The following IPO11 variants were observed in gnomAD, a reference collection of about 807,000 sequenced individuals.
IPO11 encodes the protein importin 11, also known as importin-11.
A neutral mutation model predicts 143.2 loss-of-function variants in IPO11; 66 were observed. That is an observed-to-expected ratio of 0.46 (90% confidence interval 0.38 to 0.57). IPO11 has a LOEUF of 0.57. Ranked by LOEUF, IPO11 falls within the 20% of genes least tolerant of loss-of-function variation. The pLI is 0.00. For synonymous variants in IPO11, 385 were observed against 377.8 expected (o/e 1.02, Z -0.22); for missense variants, 1,026 against 1,141.0 (o/e 0.90, Z 1.45).
chr5:62,520,970 A>G (rs921955481), intron 20 of IPO11, among the ~76,000 whole-genome samples: 10 of 152,246 alleles, frequency 6.6e-5, no homozygotes, highest in African/African-American at 2.2e-4. Context: ...AGTCCCACCA[A>G]CAGTGTGAAA....
At chr5:62,449,527 TC>T (rs1390332072) in intron 3 of IPO11, among the ~76,000 whole-genome samples, 2 of 151,344 alleles carry the variant, frequency 1.3e-5, no homozygotes, top group Non-Finnish European at 2.9e-5. Context: ...TTTTTTTTTT[TC>T]GTAGGCAACT....
chr5:62,437,495 A>G, intron 2 of IPO11, 78 bp downstream of exon 2: 1 of 1,285,438 alleles, frequency 7.8e-7, no homozygotes, highest in Non-Finnish European at 1.1e-6. Flanking sequence ...CCCTAGTTTT[A>G]TTGGTAGTTT....
chr5:62,447,757 T>A (rs890456760), intron 3 of IPO11, among the ~76,000 whole-genome samples: 5 of 148,408 alleles, frequency 3.4e-5, no homozygotes, highest in Non-Finnish European at 7.5e-5. Context: ...GGCTAATTTT[T>A]GTATTTTTTG....
At chr5:62,536,922 C>G in intron 23 of IPO11, 141 bp downstream of exon 23, 1 of 1,010,358 alleles carries the variant, frequency 9.9e-7, no homozygotes, top group Non-Finnish European at 1.3e-6. Context: ...GAGCATTTCC[C>G]ATTGCAGGGC....
intron 29 of IPO11, among the ~76,000 whole-genome samples, chr5:62,621,970 A>G (rs1315730183): frequency 2.0e-5 from 3 of 152,084 alleles, no homozygotes. Context: ...GAGAAAGGAA[A>G]CCTGAAAGGT....
Position 62,476,781 on chromosome 5 carries a change from A to T in IPO11, c.828+28A>T, listed in dbSNP as rs753536124. 33 of 1,483,852 alleles carry T rather than the reference A, an allele frequency of 2.2e-5. No homozygotes were observed. The Admixed American group carries it at 3.4e-4, about 15-fold the overall frequency. 91.9% of individuals were successfully genotyped at this position (1,483,852 alleles called of 1,614,324 possible). A position where few individuals can be genotyped will look rare whatever the true frequency, so the allele number is the denominator to read the frequency against. On this transcript the variant is annotated intron_variant, in intron 9 of 29. Coordinates refer to ENST00000325324, the MANE Select transcript of IPO11 (RefSeq NM_016338.5). ...AAGTTTTTTAAAAACTTGTTTTCTC[A>T]AATATAATACACATATTCAGATTTA...
At chr5:62,496,952 G>C (rs968042615) in intron 16 of IPO11, among the ~76,000 whole-genome samples, 1 of 152,166 alleles carries the variant, frequency 6.6e-6, no homozygotes, top group African/African-American at 2.4e-5. Flanking sequence ...TATAAAATTT[G>C]TGAAGTCCTA....
chr5:62,578,726 CTG>C (rs1436958654), intron 27 of IPO11: 5 of 468,746 alleles, frequency 1.1e-5, no homozygotes, highest in Middle Eastern at 3.3e-4. Flanking sequence ...ATGGCAACCT[CTG>C]TTTTACACAT....
At chr5:62,526,004 A>G (rs780396645) in intron 20 of IPO11, 138 bp from the exon 21 acceptor site, 6 of 634,224 alleles carry the variant, frequency 9.5e-6, no homozygotes, top group African/African-American at 1.9e-5. Flanking sequence ...TTTTGCTATT[A>G]CTTGTAATTA....
In IPO11 at chr5:62,627,313, T is replaced by G. The variant is rs1746621830; in HGVS notation, c.2923T>G (p.Phe975Val). The change falls in exon 30 of 30, where the codon TTC becomes GTC. Residue 975 changes from phenylalanine (F) to valine (V), a missense_variant. Physicochemically the swap from Phe to Val is conservative, Grantham distance 50. Transcript: ENST00000325324. The stretch of plus-strand genomic sequence containing the variant: ...CCAGCTACAGGAGTTTTTGCAAGGA[T>G]TCTAAGAGCACATGACATGTGGCTG... ...VTQLQEFLQG[F>V] 6.2e-7 allele frequency: 1 copy of G among 1,612,440 alleles called. No individual in the cohort carries two copies. Among genetic ancestry groups the G allele is most frequent in the Non-Finnish European group, 8.5e-7 (1 of 1,178,916 alleles).
At chr5:62,483,337 A>G (rs746595884) in intron 10 of IPO11, 44 bp downstream of exon 10, 3 of 1,179,864 alleles carry the variant, frequency 2.5e-6, no homozygotes, top group Non-Finnish European at 3.6e-6. Flanking sequence ...TTTAATCTTA[A>G]GTGTGATATA....
intron 24 of IPO11, among the ~76,000 whole-genome samples, chr5:62,547,742 C>T (rs1024020125): frequency 4.6e-5 from 7 of 152,076 alleles, no homozygotes; most frequent in African/African-American, 1.7e-4. Flanking sequence ...ACAACCCCCT[C>T]CTCCCTGCTG....
rs182488757 is a variant in IPO11 at position 62,504,815 on chromosome 5, G to T, written c.1625-43G>T. ...CTTGTTTTAGATACAGATTTATTTT[G>T]ATAAAACTTATATATTCTCAGTATT... On this transcript the variant is annotated intron_variant, in intron 17 of 29. Coordinates refer to ENST00000325324, the MANE Select transcript of IPO11 (RefSeq NM_016338.5). The T allele has an allele frequency of 4.7e-4, 659 of 1,409,120 alleles. 3 individuals carry two copies. In the African/African-American group the frequency reaches 8.0e-3, roughly 17 times the overall value. 87.3% of individuals were successfully genotyped at this position (1,409,120 alleles called of 1,614,324 possible).
chr5:62,572,792 A>G (rs1003330929), intron 27 of IPO11, among the ~76,000 whole-genome samples: 3 of 152,008 alleles, frequency 2.0e-5, no homozygotes, highest in African/African-American at 7.2e-5. Context: ...CATGTTGCTC[A>G]GGCTGGTCTT....
At chr5:62,468,974 A>C (rs1745664641) in intron 6 of IPO11, among the ~76,000 whole-genome samples, 1 of 152,326 alleles carries the variant, frequency 6.6e-6, no homozygotes, top group African/African-American at 2.4e-5. Context: ...AAATCTATAG[A>C]TCCTTGGCAC....
At chr5:62,504,726 C>T (rs922360471) in intron 17 of IPO11, 26 bp downstream of exon 17, 8 of 1,457,640 alleles carry the variant, frequency 5.5e-6, no homozygotes, top group Non-Finnish European at 6.6e-6. Context: ...TTTAAAAATA[C>T]TTCATTGCAA....
At chr5:62,579,559 G>C in intron 27 of IPO11, 1 of 1,551,088 alleles carries the variant, frequency 6.4e-7, no homozygotes, top group Non-Finnish European at 8.7e-7. Flanking sequence ...GCTCTGCACT[G>C]GGAGACAAAT....
At chr5:62,479,117 T>C (rs1309878970) in intron 9 of IPO11, among the ~76,000 whole-genome samples, 1 of 152,126 alleles carries the variant, frequency 6.6e-6, no homozygotes, top group African/African-American at 2.4e-5. Context: ...CCCCGGTGTG[T>C]GATGTTCCCC....
At chr5:62,580,390 G>A (rs749566591) in intron 27 of IPO11, 2 of 1,549,808 alleles carry the variant, frequency 1.3e-6, no homozygotes, top group Non-Finnish European at 1.7e-6. Flanking sequence ...CATTGATAAT[G>A]ATACATTTGA....
Sources: gnomAD v4.1 joint callset for allele counts (sites outside exome capture counted in the v4.1 genomes callset) on GRCh38, gnomAD v4.1.1 for gene constraint, MANE v1.5 for transcripts, NCBI Gene and HGNC (gene_info 2026-07-23, HGNC 2026-07-21) for gene names.